Variants in PMIS2 observed in about 807,000 individuals in gnomAD.
The protein encoded by PMIS2 is PMIS2 transmembrane protein.
At chr19:35,587,134 G>T (rs893536647) in exon 2 of PMIS2, 2 of 398,520 alleles carry the variant, frequency 5.0e-6, no homozygotes, top group Non-Finnish European at 8.8e-6. Flanking sequence ...TTTATGGCTT[G>T]GTCCTATATT....
chr19:35,587,275 C>T (rs747442149), downstream of PMIS2: 1 of 395,270 alleles, frequency 2.5e-6, no homozygotes, highest in Non-Finnish European at 4.5e-6. Context: ...ATCCTCTAAC[C>T]AAGGAACTCA....
In PMIS2 at chr19:35,587,089, C is replaced by T. The variant is rs116761914; in HGVS notation, c.351C>T (p.Phe117=). Residue 117 remains phenylalanine (F), a synonymous_variant, in exon 2 of 2, where the codon TTC becomes TTT. Transcript: ENST00000646476. ...TCAACTCAGGCCGAACTGGTTGGTT[C>T]GGTGCATTCGTGGTAATGATTGGCT... is the stretch of plus-strand genomic sequence containing the variant. 2.1e-3 allele frequency: 852 copies of T among 398,528 alleles called. 4 individuals are homozygous for T. The highest frequency in any genetic ancestry group is 0.012 in the African/African-American group (587 of 48,696). 24.7% of individuals were successfully genotyped at this position (398,528 alleles called of 1,614,324 possible). A position where few individuals can be genotyped will look rare whatever the true frequency, so the allele number is the denominator to read the frequency against.
chr19:35,586,752 G>A (rs1378255558), intron 1 of PMIS2, among the ~76,000 whole-genome samples: 2 of 151,868 alleles, frequency 1.3e-5, no homozygotes, highest in African/African-American at 2.4e-5. Context: ...GCTCATTTTT[G>A]TATTTTTAGT....
At chr19:35,587,090 G>A (rs910033411) in exon 2 of PMIS2, 10 of 398,448 alleles carry the variant, frequency 2.5e-5, no homozygotes, top group Non-Finnish European at 4.4e-5. Flanking sequence ...TGGTTGGTTC[G>A]GTGCATTCGT....
At chr19:35,587,237 T>C, downstream of PMIS2, 1 of 397,304 alleles carries the variant, frequency 2.5e-6, no homozygotes. Context: ...AGGCAAGAAA[T>C]TCAACCGCTG....
At chr19:35,587,191 C>CCACTCACCAAA (rs1011607333) in exon 2 of PMIS2, 1 of 398,186 alleles carries the variant, frequency 2.5e-6, no homozygotes, top group African/African-American at 2.1e-5. Context: ...CCCAACCGAG[C>CCACTCACCAAA]CACTCACCAA....
chr19:35,586,417 C>G, exon 1 of PMIS2: 1 of 398,820 alleles, frequency 2.5e-6, no homozygotes, highest in Non-Finnish European at 4.4e-6. Context: ...CCCCAGGAGC[C>G]GCAAGAGCCT....
At chr19:35,586,573 CTTT>C (rs58198918) in intron 1 of PMIS2, 32 bp downstream of exon 1, 12,734 of 355,168 alleles carry the variant, frequency 0.036, 3 homozygotes, top group Middle Eastern at 0.055. Context: ...AGCCCCCGTC[CTTT>C]TTTTTTTTTT....
At chr19:35,586,656 T>C (rs905295735) in intron 1 of PMIS2, 115 bp downstream of exon 1, 1 of 389,500 alleles carries the variant, frequency 2.6e-6, no homozygotes, top group Non-Finnish European at 4.5e-6. Flanking sequence ...CTCGGCTCAC[T>C]GCAATCTCTG....
exon 2 of PMIS2, chr19:35,587,180 C>A (rs12984019): frequency 1.0e-5 from 4 of 398,172 alleles, no homozygotes; most frequent in Admixed American, 4.4e-5. Flanking sequence ...GGGGTCCGCT[C>A]CCCAACCGAG....
chr19:35,586,417 C>A (rs1022717243), exon 1 of PMIS2: 1 of 398,820 alleles, frequency 2.5e-6, no homozygotes, highest in Admixed American at 4.4e-5. Flanking sequence ...CCCCAGGAGC[C>A]GCAAGAGCCT....
chr19:35,586,702 C>T (rs62109992), intron 1 of PMIS2, among the ~76,000 whole-genome samples, 161 bp downstream of exon 1: 6,727 of 151,830 alleles, frequency 0.044, 251 homozygotes, highest in East Asian at 0.22. Context: ...GCCTCAGCCT[C>T]CTGAGTAGCT....
In PMIS2 at chr19:35,586,304, G is replaced by T. The variant is rs1047072842; in HGVS notation, c.45G>T (p.Ala15=). The T allele has an allele frequency of 7.5e-6, 3 of 398,720 alleles. No individual in the cohort carries two copies. In the East Asian group the frequency reaches 1.1e-4, roughly 14 times the overall value. The allele number at this position is 398,720 out of a possible 1,614,324, so 24.7% of individuals were successfully genotyped here. A position where few individuals can be genotyped will look rare whatever the true frequency, so the allele number is the denominator to read the frequency against. Residue 15 remains alanine (A), a synonymous_variant, in exon 1 of 2, where the codon GCG becomes GCT. Coordinates refer to ENST00000646476, the Ensembl canonical transcript of PMIS2. ...CTGCCACCCAGCCTGCTCCCAACGC[G>T]CCAGCTACCCCAGACGCCCCCCCTA...
chr19:35,587,070 CA>C lies in PMIS2; in HGVS notation c.333del (p.Gly112AlafsTer11). The C allele has an allele frequency of 2.5e-6, 1 of 398,654 alleles. No individual in the cohort carries two copies. Among genetic ancestry groups the C allele is most frequent in the Non-Finnish European group, 4.4e-6 (1 of 226,102 alleles). 24.7% of individuals were successfully genotyped at this position (398,654 alleles called of 1,614,324 possible). On this transcript the variant is annotated frameshift_variant, in exon 2 of 2. Transcript: ENST00000646476. LOFTEE classifies it low-confidence loss of function (END_TRUNC). Reference sequence around the variant, plus strand: ...GAATGGGAAGAGGCTTACATCAACTCAGGCCGAACTGGTTGGTTCGGTGCAT... The same window carrying C: ...GAATGGGAAGAGGCTTACATCAACTCGGCCGAACTGGTTGGTTCGGTGCAT...
exon 1 of PMIS2, chr19:35,586,358 C>T (rs1191409571): frequency 2.0e-5 from 8 of 399,170 alleles, no homozygotes; most frequent in Non-Finnish European, 3.1e-5. Flanking sequence ...CTTCAGCTGC[C>T]CCAGGTTCTC....
At chr19:35,587,005 G>T in intron 1 of PMIS2, 1 of 398,692 alleles carries the variant, frequency 2.5e-6, no homozygotes, top group Non-Finnish European at 4.4e-6. Context: ...CCACATCTAT[G>T]CTTCCACCCC....
exon 1 of PMIS2, chr19:35,586,474 G>A (rs2071780140): frequency 2.5e-6 from 1 of 397,906 alleles, no homozygotes. Flanking sequence ...AACTACCTAT[G>A]TTTGACCATC....
chr19:35,586,637 T>TGGTGCAATCTCGGCTC (rs377474219), intron 1 of PMIS2, 96 bp downstream of exon 1: 9 of 391,796 alleles, frequency 2.3e-5, no homozygotes, highest in African/African-American at 1.3e-4. Flanking sequence ...TGGAGTGCAG[T>TGGTGCAATCTCGGCTC]GGTGCAATCT....
intron 1 of PMIS2, among the ~76,000 whole-genome samples, 197 bp downstream of exon 1, chr19:35,586,738 C>T (rs1390116367): frequency 6.6e-6 from 1 of 152,046 alleles, no homozygotes; most frequent in Non-Finnish European, 1.5e-5. Context: ...AGCCACAGTG[C>T]CCGGCTCATT....
Sources: gnomAD v4.1 joint callset for allele counts (sites outside exome capture counted in the v4.1 genomes callset) on GRCh38, gnomAD v4.1.1 for gene constraint, MANE v1.5 for transcripts, NCBI Gene and HGNC (gene_info 2026-07-23, HGNC 2026-07-21) for gene names.